Variants in PRUNE2 observed in about 807,000 individuals in gnomAD.
The protein encoded by PRUNE2 is protein prune homolog 2.
A neutral mutation model predicts 252.0 loss-of-function variants in PRUNE2; 164 were observed. That is an observed-to-expected ratio of 0.65 (90% CI 0.57 to 0.74). PRUNE2 has a LOEUF of 0.74. Among genes scored for constraint, PRUNE2 ranks in the 30% least tolerant of loss-of-function variants. The pLI, the probability that PRUNE2 is intolerant of heterozygous loss-of-function variation, is 0.00. For synonymous variants in PRUNE2, 1,292 were observed against 1,350.2 expected (o/e 0.96, Z 0.94); for missense variants, 3,495 against 3,711.0 (o/e 0.94, Z 1.51).
intron 6 of PRUNE2, among the ~76,000 whole-genome samples, chr9:76,819,932 G>A (rs918938480): frequency 2.0e-5 from 3 of 152,134 alleles, no homozygotes; most frequent in Non-Finnish European, 4.4e-5. Context: ...GGGAATAAAG[G>A]CAACGTTTGC....
chr9:76,617,930 G>A (rs1367068688), intron 18 of PRUNE2, among the ~76,000 whole-genome samples: 1 of 152,180 alleles, frequency 6.6e-6, no homozygotes, highest in Non-Finnish European at 1.5e-5. Context: ...TTTGCTGAGG[G>A]AAGAAATAGT....
intron 10 of PRUNE2, among the ~76,000 whole-genome samples, chr9:76,654,077 C>A (rs576101689): frequency 6.6e-6 from 1 of 152,254 alleles, no homozygotes; most frequent in African/African-American, 2.4e-5. Context: ...AATTATAGGA[C>A]ACCCAGTTGG....
At chr9:76,892,017 T>C (rs1024115308) in intron 1 of PRUNE2, among the ~76,000 whole-genome samples, 7 of 151,774 alleles carry the variant, frequency 4.6e-5, no homozygotes, top group African/African-American at 1.7e-4. Context: ...AGGCTCAATC[T>C]TTTTGAAATA....
At chr9:76,730,169 T>C (rs946235563) in intron 6 of PRUNE2, among the ~76,000 whole-genome samples, 1 of 152,226 alleles carries the variant, frequency 6.6e-6, no homozygotes, top group Non-Finnish European at 1.5e-5. Context: ...AATCCATATG[T>C]ACACACCTGT....
intron 6 of PRUNE2, among the ~76,000 whole-genome samples, chr9:76,746,218 A>T (rs1048589287): frequency 1.3e-5 from 2 of 152,222 alleles, no homozygotes; most frequent in African/African-American, 2.4e-5. Context: ...ATGACTGATG[A>T]CTGTTGGCTG....
intron 12 of PRUNE2, among the ~76,000 whole-genome samples, chr9:76,638,546 C>T (rs923279331): frequency 3.9e-5 from 6 of 152,056 alleles, no homozygotes; most frequent in African/African-American, 9.7e-5. Flanking sequence ...TTATATATTA[C>T]GGATGATTAT....
intron 6 of PRUNE2, chr9:76,817,643 T>C (rs2057774299): frequency 6.6e-6 from 1 of 152,200 alleles, no homozygotes; most frequent in African/African-American, 2.4e-5. Flanking sequence ...GGTCTCTGAA[T>C]CACCCCTGGC....
rs760111223 is a variant in PRUNE2, at chr9:76,705,576, G to T, written c.6698C>A (p.Thr2233Asn). ...RRIPRIENVA[T>N]SIFVTHQEPT... ...CTCTTGGTGAGTTACAAAAATGCTA[G>T]TTGCCACATTTTCAATCCTTGGGAT... Residue 2233 changes from threonine (T) to asparagine (N), a missense_variant, in exon 8 of 19, where the codon ACT (threonine) becomes AAT (asparagine). Coordinates refer to ENST00000376718, the MANE Select transcript of PRUNE2 (RefSeq NM_015225.3). The T allele has an allele frequency of 1.2e-5, 20 of 1,613,870 alleles. No homozygotes were observed. The highest frequency in any genetic ancestry group is 1.5e-5 in the Non-Finnish European group (18 of 1,179,880).
At chr9:76,881,944 A>G (rs1467817262) in intron 1 of PRUNE2, among the ~76,000 whole-genome samples, 1 of 152,140 alleles carries the variant, frequency 6.6e-6, no homozygotes, top group Non-Finnish European at 1.5e-5. Context: ...TTCATATAAA[A>G]GGAATTATAC....
intron 9 of PRUNE2, among the ~76,000 whole-genome samples, chr9:76,682,066 C>T (rs564260807): frequency 6.6e-6 from 1 of 152,052 alleles, no homozygotes; most frequent in Non-Finnish European, 1.5e-5. Flanking sequence ...TCCCTGGAGA[C>T]CAGAATTAGC....
At chr9:76,727,679 A>T (rs527650635) in intron 6 of PRUNE2, among the ~76,000 whole-genome samples, 28 of 41,678 alleles carry the variant, frequency 6.7e-4, no homozygotes, top group South Asian at 2.1e-3. Flanking sequence ...AAGTTGTACT[A>T]TTATTCCAAC....
At chr9:76,833,425 A>G (rs534715762) in intron 4 of PRUNE2, among the ~76,000 whole-genome samples, 2 of 152,328 alleles carry the variant, frequency 1.3e-5, no homozygotes, top group South Asian at 2.1e-4. Flanking sequence ...ATCTTAGTCA[A>G]GTAGAAATAG....
chr9:76,879,878 C>CATATATATATATATATATATATAT (rs1391636538), intron 1 of PRUNE2, among the ~76,000 whole-genome samples: 11 of 75,372 alleles, frequency 1.5e-4, no homozygotes, highest in African/African-American at 7.4e-4. Context: ...AGAGGCCTGT[C>CATATATATATATATATATATATAT]ATATATATAT....
At chr9:76,641,603 C>G (rs1160541368) in intron 12 of PRUNE2, among the ~76,000 whole-genome samples, 1 of 152,162 alleles carries the variant, frequency 6.6e-6, no homozygotes, top group African/African-American at 2.4e-5. Context: ...GCAGCTTACT[C>G]TAGTAAAGTT....
chr9:76,636,076 T>G (rs758293740), intron 15 of PRUNE2, among the ~76,000 whole-genome samples: 6 of 152,232 alleles, frequency 3.9e-5, no homozygotes, highest in Non-Finnish European at 8.8e-5. Context: ...AGACATGATA[T>G]GGCTTCTGTT....
At chr9:76,720,028 A>G (rs1394952645) in intron 6 of PRUNE2, among the ~76,000 whole-genome samples, 1 of 152,246 alleles carries the variant, frequency 6.6e-6, no homozygotes, top group Non-Finnish European at 1.5e-5. Context: ...TTACTTTAAT[A>G]ACTAAAACTT....
At chr9:76,830,930 A>AT (rs34591955) in intron 4 of PRUNE2, among the ~76,000 whole-genome samples, 192 of 138,544 alleles carry the variant, frequency 1.4e-3, no homozygotes, top group East Asian at 1.9e-3. Context: ...AGTGAAAACA[A>AT]TTTTTTTTTT....
Position 76,619,342 on chromosome 9 carries a change from C to T in PRUNE2, c.9234G>A (p.Lys3078=). ...YNDPEMSSME[K]DIDLKLKEKP ...TGTTATTGATGGTGAATTCTTACTC[C>T]TTCTCCATAGAAGACATTTCTGGAT... The change falls in exon 18 of 19, where the codon AAG becomes AAA. Residue 3078 remains lysine, a splice_region_variant and synonymous_variant. Transcript: ENST00000376718. 6.3e-7 allele frequency: 1 copy of T among 1,597,282 alleles called. No homozygotes were observed. Among genetic ancestry groups the T allele is most frequent in the Non-Finnish European group, 8.6e-7 (1 of 1,167,646 alleles).
At chr9:76,757,107 C>T (rs1466288634) in intron 6 of PRUNE2, among the ~76,000 whole-genome samples, 1 of 152,202 alleles carries the variant, frequency 6.6e-6, no homozygotes, top group Admixed American at 6.5e-5. Flanking sequence ...ATTTTCCCAA[C>T]AGCTGTTTGT....
Sources: gnomAD v4.1 joint callset for allele counts (sites outside exome capture counted in the v4.1 genomes callset) on GRCh38, gnomAD v4.1.1 for gene constraint, MANE v1.5 for transcripts, NCBI Gene and HGNC (gene_info 2026-07-23, HGNC 2026-07-21) for gene names.